CPED1: variants seen among roughly 807,000 people sequenced by gnomAD.
CPED1 encodes cadherin-like and PC-esterase domain-containing protein 1.
CPED1 carries 114 observed loss-of-function variants against 128.2 expected under a neutral mutation model. That is an observed-to-expected ratio of 0.89 (90% CI 0.76 to 1.04). The LOEUF (loss-of-function observed/expected upper bound fraction) is 1.04, where lower values mean the gene tolerates loss of function less well. Among genes scored for constraint, CPED1 ranks in the 50% least tolerant of loss-of-function variants. The probability of loss-of-function intolerance (pLI) is 0.00; values close to 1 mark genes in which losing one functional copy is unlikely to be tolerated. For synonymous variants in CPED1, 462 were observed against 426.7 expected, an observed-to-expected ratio of 1.08 and a Z score of -1.02; for missense variants, 1,211 against 1,207.1, an observed-to-expected ratio of 1.00 and a Z score of -0.05.
chr7:121,277,767 C>T (rs763010174), intron 22 of CPED1, among the ~76,000 whole-genome samples: 8 of 152,050 alleles, frequency 5.3e-5, no homozygotes, highest in Non-Finnish European at 7.4e-5. Flanking sequence ...AAAGAAAATA[C>T]GTCATCCAGA....
chr7:121,187,733 G>GT (rs1797036868), intron 16 of CPED1, among the ~76,000 whole-genome samples: 1 of 152,134 alleles, frequency 6.6e-6, no homozygotes, highest in African/African-American at 2.4e-5. Context: ...ACAAAGTATA[G>GT]TTTTGCAACC....
At position 121,113,375 on chromosome 7, in the gene CPED1, A is replaced by G. The variant is rs149954423; in HGVS notation, c.919-10956A>G. On this transcript the variant is annotated intron_variant, in intron 7 of 22. Transcript: ENST00000310396. ...CAGGGCAGAATGCAAGGCATGACTC[A>G]GAGTTGCAGAGACAGTGAAGAGTAG... 9.0e-4 allele frequency among the ~76,000 whole-genome samples: 137 copies of G among 152,320 alleles called. 2 individuals are homozygous for G. Among genetic ancestry groups the G allele is most frequent in the African/African-American group, 3.2e-3 (132 of 41,580 alleles).
At chr7:121,064,207 C>A in intron 4 of CPED1, 31 bp from the exon 5 acceptor site, 2 of 1,444,424 alleles carry the variant, frequency 1.4e-6, no homozygotes, top group Non-Finnish European at 2.0e-6. Flanking sequence ...ATGAATGCCT[C>A]ACTCACTAGA....
At chr7:121,143,251 A>G (rs1399387920) in intron 16 of CPED1, among the ~76,000 whole-genome samples, 1 of 151,960 alleles carries the variant, frequency 6.6e-6, no homozygotes, top group Non-Finnish European at 1.5e-5. Flanking sequence ...GGTCAAATAA[A>G]CCCATTGGTT....
intron 22 of CPED1, among the ~76,000 whole-genome samples, chr7:121,292,052 G>A (rs1792714510): frequency 2.6e-5 from 4 of 151,878 alleles, no homozygotes; most frequent in Admixed American, 2.6e-4. Context: ...TTGAATGTTG[G>A]CCTGCCTTGC....
At chr7:121,092,050 G>T (rs1371680013) in intron 5 of CPED1, among the ~76,000 whole-genome samples, 1 of 152,068 alleles carries the variant, frequency 6.6e-6, no homozygotes, top group Non-Finnish European at 1.5e-5. Context: ...GCTGTCTGCT[G>T]GTGACATTCT....
intron 3 of CPED1, among the ~76,000 whole-genome samples, chr7:121,023,034 A>G (rs893618531): frequency 2.0e-5 from 3 of 152,054 alleles, no homozygotes; most frequent in Non-Finnish European, 2.9e-5. Context: ...AAAAAGATAC[A>G]TATTTTTCAA....
intron 11 of CPED1, among the ~76,000 whole-genome samples, chr7:121,129,329 A>G (rs1259664831): frequency 1.1e-4 from 14 of 131,556 alleles, no homozygotes; most frequent in South Asian, 4.6e-4. Flanking sequence ...ATATATATAT[A>G]TATATACGTA....
chr7:121,219,458 T>C (rs1205599826), intron 16 of CPED1, among the ~76,000 whole-genome samples: 1 of 152,050 alleles, frequency 6.6e-6, no homozygotes, highest in African/African-American at 2.4e-5. Flanking sequence ...GCTCAGAGAT[T>C]TGGAATGCAT....
At position 121,167,725 on chromosome 7, in the gene CPED1, A is replaced by AT. The variant is rs10588976; in HGVS notation, c.2055+25608dup. On this transcript the variant is annotated intron_variant, in intron 16 of 22. Coordinates refer to ENST00000310396, the MANE Select transcript of CPED1 (RefSeq NM_024913.5). Reference sequence around the variant, plus strand: ...AATTTTAGTTTACCTTTTAAAGTCTATTTTTTTTTTTTTTTTTTTTTTTTG... The same window carrying AT: ...AATTTTAGTTTACCTTTTAAAGTCTATTTTTTTTTTTTTTTTTTTTTTTTTG... Among the ~76,000 whole-genome samples the AT allele has an allele frequency of 8.9e-3, 885 of 99,178 alleles. 15 individuals are homozygous for AT. The highest frequency in any genetic ancestry group is 0.011 in the Non-Finnish European group (575 of 50,902). 65.1% of individuals were successfully genotyped at this position (99,178 alleles called of 152,430 possible).
At chr7:121,294,806 C>CAA (rs752742828) in intron 22 of CPED1, among the ~76,000 whole-genome samples, 14 of 61,408 alleles carry the variant, frequency 2.3e-4, no homozygotes, top group South Asian at 5.5e-4. Context: ...GCCTTCTAAG[C>CAA]AAAAAAAAAA....
intron 5 of CPED1, among the ~76,000 whole-genome samples, chr7:121,093,087 G>A (rs1371171728): frequency 2.0e-5 from 3 of 152,030 alleles, no homozygotes; most frequent in Admixed American, 2.0e-4. Flanking sequence ...TGTTTTCAAA[G>A]CACAAGACGA....
chr7:121,056,355 T>C (rs1325659701), intron 4 of CPED1, among the ~76,000 whole-genome samples: 3 of 152,190 alleles, frequency 2.0e-5, no homozygotes, highest in African/African-American at 7.2e-5. Flanking sequence ...GTTTACCTTG[T>C]TAATTCTTAT....
At chr7:121,062,611 T>C (rs1249195547) in intron 4 of CPED1, among the ~76,000 whole-genome samples, 1 of 152,174 alleles carries the variant, frequency 6.6e-6, no homozygotes, top group Non-Finnish European at 1.5e-5. Context: ...AGATTGAAAG[T>C]GTACTGCACT....
chr7:121,018,123 C>T (rs985344667), intron 3 of CPED1, among the ~76,000 whole-genome samples: 3 of 152,012 alleles, frequency 2.0e-5, no homozygotes, highest in Admixed American at 6.6e-5. Context: ...GAACAATATG[C>T]ATCAAATACC....
intron 13 of CPED1, among the ~76,000 whole-genome samples, chr7:121,134,361 T>C (rs73215376): frequency 0.068 from 10,282 of 152,114 alleles, 472 homozygotes; most frequent in Non-Finnish European, 0.1. Flanking sequence ...CTCACTCATG[T>C]GGGATCGAAA....
intron 5 of CPED1, among the ~76,000 whole-genome samples, chr7:121,074,563 G>A (rs1386809710): frequency 1.8e-5 from 2 of 114,146 alleles, no homozygotes; most frequent in African/African-American, 6.4e-5. Flanking sequence ...ACCTGTTCAG[G>A]CAGATATCCT....
intron 16 of CPED1, among the ~76,000 whole-genome samples, chr7:121,215,173 G>C (rs1297784219): frequency 6.6e-6 from 1 of 151,956 alleles, no homozygotes; most frequent in Non-Finnish European, 1.5e-5. Context: ...GCTAGTGAAA[G>C]CATATTCCAG....
chr7:121,058,222 T>A (rs573170294), intron 4 of CPED1, among the ~76,000 whole-genome samples: 1 of 152,028 alleles, frequency 6.6e-6, no homozygotes, highest in Non-Finnish European at 1.5e-5. Flanking sequence ...TGGAGAGTAA[T>A]TGGATGATTC....
Sources: allele counts gnomAD v4.1 joint callset (sites outside exome capture counted in the v4.1 genomes callset), GRCh38; gene constraint gnomAD v4.1.1; transcripts MANE v1.5; gene names NCBI Gene and HGNC (gene_info 2026-07-23, HGNC 2026-07-21).